The following ROBO1 variants were observed in gnomAD, a reference collection of about 807,000 sequenced individuals.
ROBO1 encodes the protein roundabout homolog 1.
ROBO1 carries 149 observed loss-of-function variants against 195.9 expected under a neutral mutation model. The observed-to-expected ratio is 0.76, with a 90% CI of 0.67 to 0.87. The LOEUF (loss-of-function observed/expected upper bound fraction) is 0.87, where lower values mean the gene tolerates loss of function less well. Ranked by LOEUF, ROBO1 falls within the 40% of genes least tolerant of loss-of-function variation. ROBO1 has a pLI of 0.00. For synonymous variants in ROBO1, 816 were observed against 733.2 expected, an observed-to-expected ratio of 1.11 and a Z score of -1.82; for missense variants, 1,933 against 2,068.3, an observed-to-expected ratio of 0.93 and a Z score of 1.27.
At chr3:79,387,699 A>T (rs994594811) in intron 2 of ROBO1, among the ~76,000 whole-genome samples, 19 of 42,110 alleles carry the variant, frequency 4.5e-4, no homozygotes, top group Admixed American at 3.1e-3. Flanking sequence ...ACTCAAATTT[A>T]AAAAATGTGT....
chr3:79,017,038 T>G (rs1029187296), intron 3 of ROBO1, among the ~76,000 whole-genome samples: 1 of 151,966 alleles, frequency 6.6e-6, no homozygotes, highest in Admixed American at 6.6e-5. Context: ...CCTCGAGGAG[T>G]TAGTCTACTC....
rs149676748 is a variant in ROBO1 at position 78,964,151 on chromosome 3, C to T, written c.173-25224G>A. Among the ~76,000 whole-genome samples, 26 of 152,264 alleles carry T rather than the reference C, an allele frequency of 1.7e-4. No homozygotes were observed. In the East Asian group the frequency reaches 5.0e-3, roughly 30 times the overall value. On this transcript the variant is annotated intron_variant, in intron 3 of 30. Transcript: ENST00000464233. ...TCTTTACATGGTGTTCTCCTTACAT[C>T]TCTATCTTTGTGTCCAAATTTCCCC... is the stretch of plus-strand genomic sequence containing the variant.
chr3:79,484,094 G>C, intron 2 of ROBO1, among the ~76,000 whole-genome samples: 1 of 152,168 alleles, frequency 6.6e-6, no homozygotes. Flanking sequence ...GATAGAAACA[G>C]CACTGACCTT....
chr3:79,762,215 G>T (rs1244829759), intron 1 of ROBO1, among the ~76,000 whole-genome samples: 1 of 152,042 alleles, frequency 6.6e-6, no homozygotes, highest in Non-Finnish European at 1.5e-5. Flanking sequence ...CCCACTTTCT[G>T]CTTCATAGAC....
intron 4 of ROBO1, among the ~76,000 whole-genome samples, chr3:78,899,042 T>C (rs938293922): frequency 6.6e-6 from 1 of 152,162 alleles, no homozygotes; most frequent in African/African-American, 2.4e-5. Flanking sequence ...CACCTACAAC[T>C]TGATTTATTT....
intron 18 of ROBO1, among the ~76,000 whole-genome samples, chr3:78,656,222 A>G (rs1707003334): frequency 6.6e-6 from 1 of 151,960 alleles, no homozygotes; most frequent in African/African-American, 2.4e-5. Context: ...TGACATCTCA[A>G]TCTACCTTTT....
intron 3 of ROBO1, among the ~76,000 whole-genome samples, chr3:78,990,632 G>A (rs1299121411): frequency 6.6e-6 from 1 of 152,066 alleles, no homozygotes; most frequent in African/African-American, 2.4e-5. Context: ...TCTACGTTTA[G>A]TTCACTCTAA....
At chr3:79,184,155 G>T (rs1487258226) in intron 2 of ROBO1, among the ~76,000 whole-genome samples, 1 of 152,146 alleles carries the variant, frequency 6.6e-6, no homozygotes, top group Admixed American at 6.5e-5. Context: ...AGGATGCAGT[G>T]AACAGAGTAA....
At position 78,864,346 on chromosome 3, in the gene ROBO1, G is replaced by C. The variant is rs112795101; in HGVS notation, c.499+74255C>G. Among the ~76,000 whole-genome samples, 21 of 152,168 alleles carry C rather than the reference G, an allele frequency of 1.4e-4. 1 individual carries two copies. The highest frequency in any genetic ancestry group is 5.1e-4 in the African/African-American group (21 of 41,518). On this transcript the variant is annotated intron_variant, in intron 4 of 30. Coordinates refer to ENST00000464233, the MANE Select transcript of ROBO1 (RefSeq NM_002941.4). ...CCTAGTGGAAGCAATTTAATTTGAT[G>C]GAATTTCTATATAAATTGATATAGC...
chr3:78,794,724 AG>A, intron 4 of ROBO1, among the ~76,000 whole-genome samples: 1 of 152,084 alleles, frequency 6.6e-6, no homozygotes, highest in Non-Finnish European at 1.5e-5. Flanking sequence ...CTAGGACTGC[AG>A]GCATGTACCA....
intron 2 of ROBO1, among the ~76,000 whole-genome samples, chr3:79,145,816 C>T (rs981243927): frequency 6.6e-6 from 1 of 151,890 alleles, no homozygotes; most frequent in Admixed American, 6.6e-5. Flanking sequence ...AAAAACAGCA[C>T]AGTAAAATAA....
At chr3:78,673,595 T>C (rs886389526) in intron 10 of ROBO1, among the ~76,000 whole-genome samples, 6 of 63,148 alleles carry the variant, frequency 9.5e-5, no homozygotes, top group East Asian at 2.2e-3. Context: ...TATATATATA[T>C]ATATATATAT....
chr3:79,359,369 A>T (rs2035678658), intron 2 of ROBO1, among the ~76,000 whole-genome samples: 1 of 152,062 alleles, frequency 6.6e-6, no homozygotes, highest in South Asian at 2.1e-4. Context: ...GACAATAAAC[A>T]TTATGAAATA....
At position 79,369,167 on chromosome 3, in the gene ROBO1, T is replaced by A. The variant is rs1362805467; in HGVS notation, c.88+220657A>T. On this transcript the variant is annotated intron_variant, in intron 2 of 30. Transcript: ENST00000464233. ...ATCAAAATGAACAATCTTAAACCAG[T>A]AGGACTGGTGAATTTTAAGACAGAG... is the stretch of plus-strand genomic sequence containing the variant. Among the ~76,000 whole-genome samples the A allele has an allele frequency of 2.0e-5, 3 of 152,128 alleles. No homozygotes were observed. In the East Asian group the frequency reaches 5.8e-4, roughly 29 times the overall value.
chr3:79,361,979 T>A (rs1233808415), intron 2 of ROBO1, among the ~76,000 whole-genome samples: 1 of 152,074 alleles, frequency 6.6e-6, no homozygotes, highest in Non-Finnish European at 1.5e-5. Context: ...GCAAAATTAG[T>A]TATCAGCTTA....
rs188877161 is a variant in ROBO1 at position 78,708,200 on chromosome 3, A to C, written c.1045+6197T>G. On this transcript the variant is annotated intron_variant, in intron 8 of 30. Transcript: ENST00000464233. ...AGCAAGGAATCACAAGAAATCTTAG[A>C]GGCTGAGGACAAACTCAGAAACAGG... Among the ~76,000 whole-genome samples the C allele has an allele frequency of 9.6e-4, 146 of 152,326 alleles. 1 individual carries two copies. In the Middle Eastern group the frequency reaches 0.01, roughly 11 times the overall value.
chr3:79,019,115 G>A (rs1247870966), intron 3 of ROBO1: 3 of 986,278 alleles, frequency 3.0e-6, no homozygotes, highest in East Asian at 2.3e-4. Context: ...TGGGGGATGC[G>A]GAGGGTACTG....
At chr3:79,304,320 G>A (rs2033122199) in intron 2 of ROBO1, among the ~76,000 whole-genome samples, 1 of 151,940 alleles carries the variant, frequency 6.6e-6, no homozygotes, top group South Asian at 2.1e-4. Flanking sequence ...GAAAATGTCA[G>A]GAATTCACAT....
At chr3:79,359,473 T>C (rs2035682272) in intron 2 of ROBO1, among the ~76,000 whole-genome samples, 1 of 152,070 alleles carries the variant, frequency 6.6e-6, no homozygotes, top group South Asian at 2.1e-4. Flanking sequence ...CTTGGTATCA[T>C]ATGTTGTCTG....
Sources: allele counts gnomAD v4.1 joint callset (sites outside exome capture counted in the v4.1 genomes callset), GRCh38; gene constraint gnomAD v4.1.1; transcripts MANE v1.5; gene names NCBI Gene and HGNC (gene_info 2026-07-23, HGNC 2026-07-21).